Variants in RAB11FIP1 observed in about 807,000 individuals in gnomAD.
The protein encoded by RAB11FIP1 is RAB11 family interacting protein 1.
In RAB11FIP1, 49 loss-of-function variants were observed where a neutral mutation model predicts 83.1. That is an observed-to-expected ratio of 0.59 (90% CI 0.47 to 0.75). RAB11FIP1 has a LOEUF of 0.75. Ranked by LOEUF, RAB11FIP1 falls within the 30% of genes least tolerant of loss-of-function variation. The pLI is 0.00. For missense variants in RAB11FIP1, 1,536 were observed against 1,598.7 expected, an observed-to-expected ratio of 0.96 and a Z score of 0.67; for synonymous variants, 670 against 656.0, an observed-to-expected ratio of 1.02 and a Z score of -0.33.
At position 37,892,425 on chromosome 8, in the gene RAB11FIP1, ATATTTATTTATT is replaced by A. The variant is rs146042883; in HGVS notation, c.371+6634_371+6645del. On this transcript the variant is annotated intron_variant, in intron 1 of 5. Transcript: ENST00000330843. ...CCGTATCAACCCACTACTTTTATTT[ATATTTATTTATT>A]TATTTATTTATTTATTTATTTATTT... Among the ~76,000 whole-genome samples the A allele has an allele frequency of 5.2e-3, 746 of 144,166 alleles. 14 individuals carry two copies. Among genetic ancestry groups the A allele is most frequent in the African/African-American group, 0.016 (614 of 39,572 alleles). The allele number at this position is 144,166 out of a possible 152,430, so 94.6% of individuals were successfully genotyped here.
At chr8:37,882,008 C>T (rs942452136) in intron 1 of RAB11FIP1, among the ~76,000 whole-genome samples, 1 of 152,154 alleles carries the variant, frequency 6.6e-6, no homozygotes, top group Non-Finnish European at 1.5e-5. Context: ...CAGTTGCAGG[C>T]ACCTGAAAAG....
intron 1 of RAB11FIP1, among the ~76,000 whole-genome samples, chr8:37,895,984 C>T (rs758771151): frequency 1.9e-4 from 29 of 152,072 alleles, no homozygotes; most frequent in Admixed American, 4.6e-4. Flanking sequence ...GTTCAAATGA[C>T]TTTTCTAGCA....
chr8:37,899,074 G>T lies in RAB11FIP1; in HGVS notation c.368C>A (p.Thr123Lys). 1 of 1,499,768 alleles carries T rather than the reference G, an allele frequency of 6.7e-7. No individual in the cohort carries two copies. Among genetic ancestry groups the T allele is most frequent in the South Asian group, 1.3e-5 (1 of 79,924 alleles). 92.9% of individuals were successfully genotyped at this position (1,499,768 alleles called of 1,614,324 possible). Residue 123 changes from threonine (T) to lysine (K), a missense_variant, in exon 1 of 6, where the codon ACG (threonine) becomes AAG (lysine). Coordinates refer to ENST00000330843, the MANE Select transcript of RAB11FIP1 (RefSeq NM_001002814.3). The surrounding 1 kb of genome is among the most constrained non-coding windows in gnomAD (Gnocchi z 4.5). ...TCCCCTCCCCGCCCGCACTCACTGC[G>T]TCTTCCTGCGGCCCTGGTCGCGGTG... ...DLHRDQGRRK[T>K]QWYKLKSKPG...
In RAB11FIP1 at chr8:37,874,870, C is replaced by G. The variant is rs771823644; in HGVS notation, c.1267G>C (p.Ala423Pro). The G allele has an allele frequency of 1.2e-6, 2 of 1,614,154 alleles. No individual in the cohort carries two copies. The highest frequency in any genetic ancestry group is 3.3e-5 in the Admixed American group (2 of 60,014). The change falls in exon 3 of 6, where the codon GCT becomes CCT. Residue 423 changes from alanine to proline, a missense_variant. Physicochemically the swap from Ala to Pro is conservative, Grantham distance 27. Transcript: ENST00000330843. The stretch of plus-strand genomic sequence containing the variant: ...CTCTCTGGCTTCTTGCTCTCCTTAG[C>G]TTCTTTTGTGGCCTCTGAGTTTGCG... ...APANSEATKEAKESKKPESRR... is the reference protein window; with the variant it reads ...APANSEATKEPKESKKPESRR...
Position 37,877,101 on chromosome 8 carries a change from A to T in RAB11FIP1, c.814+8T>A. ...AGAGAGGTCAAGCAGGAAGAGGCAG[A>T]AACTCACCATCCGAGGCCGAGGAGG... On this transcript the variant is annotated splice_region_variant and intron_variant, in intron 2 of 5. Transcript: ENST00000330843. The T allele has an allele frequency of 6.2e-7, 1 of 1,602,610 alleles. No individual in the cohort carries two copies. The highest frequency in any genetic ancestry group is 8.5e-7 in the Non-Finnish European group (1 of 1,170,812).
At position 37,872,830 on chromosome 8, in the gene RAB11FIP1, G is replaced by GATCAC. The variant is rs1285772289; in HGVS notation, c.1971_1972insGTGAT (p.Gln658ValfsTer16). 1 of 1,614,218 alleles carries GATCAC rather than the reference G, an allele frequency of 6.2e-7. No homozygotes were observed. Among genetic ancestry groups the GATCAC allele is most frequent in the African/African-American group, 1.3e-5 (1 of 75,054 alleles). ...CCTTTATTTGCTGGAAAGGATGGCT[G>GATCAC]TTTGAAAAGTGATCCCAGGGCAGAA... On this transcript the variant is annotated frameshift_variant, in exon 4 of 6. Transcript: ENST00000330843. LOFTEE classifies it high-confidence loss of function.
rs1291458087 is a variant in RAB11FIP1 at position 37,862,595 on chromosome 8, A to G, written c.*300T>C. On this transcript the variant is annotated 3_prime_UTR_variant, in exon 6 of 6. Coordinates refer to ENST00000330843, the MANE Select transcript of RAB11FIP1 (RefSeq NM_001002814.3). ...AAAATACATGAATACTTCCTGTGCC[A>G]TCTGAATCTCTGGCTCAGGATCAGA... is the stretch of plus-strand genomic sequence containing the variant. 3.6e-6 allele frequency: 1 copy of G among 280,556 alleles called. No individual in the cohort carries two copies. Among genetic ancestry groups the G allele is most frequent in the South Asian group, 6.3e-5 (1 of 15,924 alleles). 17.4% of individuals were successfully genotyped at this position (280,556 alleles called of 1,614,324 possible). A position where few individuals can be genotyped will look rare whatever the true frequency, so the allele number is the denominator to read the frequency against.
At position 37,877,335 on chromosome 8, in the gene RAB11FIP1, C is replaced by T. The variant is rs377756140; in HGVS notation, c.588G>A (p.Thr196=). The change falls in exon 2 of 6, where the codon ACG becomes ACA. Residue 196 remains threonine, a synonymous_variant. Coordinates refer to ENST00000330843, the MANE Select transcript of RAB11FIP1 (RefSeq NM_001002814.3). ...CATCATCACTGTCGACCGAAGGTGT[C>T]GTGCTAGGGATGATGGCGGAGGCGG... is the stretch of plus-strand genomic sequence containing the variant. ...SDTASAIIPS[T]TPSVDSDDES... The T allele has an allele frequency of 7.9e-5, 127 of 1,614,128 alleles. No homozygotes were observed. The highest frequency in any genetic ancestry group is 1.6e-4 in the Middle Eastern group (1 of 6,062).
chr8:37,877,577 AC>A, intron 1 of RAB11FIP1, 26 bp from the exon 2 acceptor site: 1 of 1,487,644 alleles, frequency 6.7e-7, no homozygotes, highest in South Asian at 1.2e-5. Context: ...CTGAGGAGTT[AC>A]CTTTGAATGG....
intron 5 of RAB11FIP1, among the ~76,000 whole-genome samples, chr8:37,868,321 C>G (rs1806382648): frequency 6.6e-6 from 1 of 151,340 alleles, no homozygotes; most frequent in South Asian, 2.1e-4. Flanking sequence ...ACTCTGGAGG[C>G]TGAGGTGGGA....
chr8:37,877,065 T>A (rs1806628897), intron 2 of RAB11FIP1, 44 bp downstream of exon 2: 2 of 1,366,558 alleles, frequency 1.5e-6, no homozygotes, highest in South Asian at 2.5e-5. Context: ...CGAAGCATGG[T>A]AAGAGGAAGA....
At chr8:37,867,031 T>C (rs1806354750) in intron 5 of RAB11FIP1, among the ~76,000 whole-genome samples, 1 of 152,228 alleles carries the variant, frequency 6.6e-6, no homozygotes, top group Non-Finnish European at 1.5e-5. Flanking sequence ...GATAAGCCCT[T>C]GAATTAAATG....
chr8:37,868,401 G>A (rs1364049736), intron 5 of RAB11FIP1, among the ~76,000 whole-genome samples: 3 of 135,596 alleles, frequency 2.2e-5, no homozygotes, highest in Non-Finnish European at 3.1e-5. Context: ...CATCCTAGGC[G>A]ATAAGAGCAA....
chr8:37,884,617 C>T (rs1806791334), intron 1 of RAB11FIP1, among the ~76,000 whole-genome samples: 4 of 151,964 alleles, frequency 2.6e-5, no homozygotes, highest in Admixed American at 2.6e-4. Flanking sequence ...GGCATGATCT[C>T]GGCTTACTGC....
Position 37,861,835 on chromosome 8 carries a change from C to G in RAB11FIP1, c.*1060G>C. On this transcript the variant is annotated 3_prime_UTR_variant, in exon 6 of 6. Transcript: ENST00000330843. ...AACTCCTGACCTCAAGTGATCCACC[C>G]TCCTCGGCCTTGCAAAGTGCTGGGA... 3.3e-6 allele frequency: 1 copy of G among 303,042 alleles called. No homozygotes were observed. Among genetic ancestry groups the G allele is most frequent in the Non-Finnish European group, 6.4e-6 (1 of 155,664 alleles). The allele number at this position is 303,042 out of a possible 1,614,324, so 18.8% of individuals were successfully genotyped here.
intron 2 of RAB11FIP1, among the ~76,000 whole-genome samples, 183 bp from the exon 3 acceptor site, chr8:37,875,505 C>G (rs1463639063): frequency 6.6e-6 from 1 of 152,102 alleles, no homozygotes; most frequent in Non-Finnish European, 1.5e-5. Context: ...TATAGCACAG[C>G]CCCCCACGAC....
intron 1 of RAB11FIP1, among the ~76,000 whole-genome samples, chr8:37,884,042 T>TTTTATTTA (rs74283501): frequency 2.2e-4 from 33 of 151,532 alleles, no homozygotes; most frequent in East Asian, 3.9e-4. Context: ...AGTGACATAA[T>TTTTATTTA]TTTATTTATT....
chr8:37,871,632 C>T lies in RAB11FIP1; in HGVS notation c.3170G>A (p.Gly1057Asp). ...CTGTTTATCCAAGCTTGAGCTCTTG[C>T]CAAGATGTGGTTTGTGAATTCCGAA... ...TEFGIHKPHLGKSSSLDKQLP... is the reference protein window; with the variant it reads ...TEFGIHKPHLDKSSSLDKQLP... Residue 1057 changes from glycine (G) to aspartate (D), a missense_variant, in exon 4 of 6, where the codon GGC (glycine) becomes GAC (aspartate). Coordinates refer to ENST00000330843, the MANE Select transcript of RAB11FIP1 (RefSeq NM_001002814.3). 1 of 1,607,686 alleles carries T rather than the reference C, an allele frequency of 6.2e-7. No individual in the cohort carries two copies. Among genetic ancestry groups the T allele is most frequent in the South Asian group, 1.1e-5 (1 of 90,778 alleles).
chr8:37,896,920 G>A (rs958494582), intron 1 of RAB11FIP1, among the ~76,000 whole-genome samples: 1 of 152,098 alleles, frequency 6.6e-6, no homozygotes, highest in African/African-American at 2.4e-5. Flanking sequence ...CCTCTCAAGG[G>A]GATAAAATGT....
Sources: allele counts gnomAD v4.1 joint callset (sites outside exome capture counted in the v4.1 genomes callset), GRCh38; gene constraint gnomAD v4.1.1; non-coding constraint Gnocchi (gnomAD v3.1); transcripts MANE v1.5; gene names NCBI Gene and HGNC (gene_info 2026-07-23, HGNC 2026-07-21).